Variants in BNC2 observed in about 807,000 individuals in gnomAD.
BNC2 encodes basonuclin zinc finger protein 2.
BNC2 carries 20 observed loss-of-function variants against 76.3 expected under a neutral mutation model. The ratio of observed to expected loss-of-function variants is 0.26; its 90% CI spans 0.18 to 0.38. The LOEUF (loss-of-function observed/expected upper bound fraction) is 0.38. BNC2 is among the 10% of genes least tolerant of loss of function. The probability of loss-of-function intolerance (pLI) is 1.00; values close to 1 mark genes in which losing one functional copy is unlikely to be tolerated. For missense variants in BNC2, 1,382 were observed against 1,399.8 expected, an observed-to-expected ratio of 0.99 and a Z score of 0.20; for synonymous variants, 582 against 514.8, an observed-to-expected ratio of 1.13 and a Z score of -1.77.
Position 16,552,713 on chromosome 9 carries a change from A to C in BNC2, c.486T>G (p.Ile162Met). 1 of 1,614,174 alleles carries C rather than the reference A, an allele frequency of 6.2e-7. No individual in the cohort carries two copies. The highest frequency in any genetic ancestry group is 8.5e-7 in the Non-Finnish European group (1 of 1,180,032). Residue 162 changes from isoleucine to methionine, a missense_variant, in exon 5 of 7, where the codon ATT becomes ATG. Transcript: ENST00000380672. ...QHLYHPTQVE[I>M]VQSNVVFDIS... ...TGTCAAACACGACGTTGGACTGCAC[A>C]ATCTCCACTTGGGTGGGGTGGTACA...
intron 2 of BNC2, 132 bp from the exon 3 acceptor site, chr9:16,728,129 T>G: frequency 1.3e-6 from 1 of 745,230 alleles, no homozygotes; most frequent in Non-Finnish European, 2.4e-6. Flanking sequence ...GGGTCAGAGC[T>G]TCTTTCGCAC....
At chr9:16,786,967 TA>T (rs1334763291) in intron 1 of BNC2, among the ~76,000 whole-genome samples, 1 of 152,182 alleles carries the variant, frequency 6.6e-6, no homozygotes, top group Non-Finnish European at 1.5e-5. Context: ...AATCAGTGAT[TA>T]AACAGGACAG....
chr9:16,525,883 AT>A (rs763335364), intron 5 of BNC2, among the ~76,000 whole-genome samples: 5 of 151,196 alleles, frequency 3.3e-5, no homozygotes, highest in Admixed American at 6.6e-5. Context: ...CCTTTATATA[AT>A]TTTTTTTTGC....
chr9:16,764,101 C>A (rs976753248), intron 1 of BNC2, among the ~76,000 whole-genome samples: 1 of 152,196 alleles, frequency 6.6e-6, no homozygotes, highest in Non-Finnish European at 1.5e-5. Flanking sequence ...TTCCCACCCA[C>A]ACAAAAGTAA....
At chr9:16,618,622 T>C (rs1464446997) in intron 3 of BNC2, among the ~76,000 whole-genome samples, 3 of 152,140 alleles carry the variant, frequency 2.0e-5, no homozygotes, top group African/African-American at 7.2e-5. Flanking sequence ...TCTCCAAAAC[T>C]ATGAATCAAA....
rs140034453 is a variant in BNC2 at position 16,615,810 on chromosome 9, ATAATG to A, written c.331-32730_331-32726del. On this transcript the variant is annotated intron_variant, in intron 3 of 6. Transcript: ENST00000380672. ...AAGGAAAATAAATTTTTCTTCCTCTATAATGTAAATACTTCACATGCATGAATTAA... is the reference window on the plus strand; with the variant it reads ...AAGGAAAATAAATTTTTCTTCCTCTATAAATACTTCACATGCATGAATTAA... Among the ~76,000 whole-genome samples the A allele has an allele frequency of 4.3e-3, 654 of 152,352 alleles. 8 individuals carry two copies. The highest frequency in any genetic ancestry group is 0.015 in the African/African-American group (625 of 41,588).
In BNC2 at chr9:16,442,563, G is replaced by A. The variant is rs529617284; in HGVS notation, c.670-5039C>T. On this transcript the variant is annotated intron_variant, in intron 5 of 6. Transcript: ENST00000380672. Reference sequence around the variant, plus strand: ...ATTGGTTTCCCTTATTGGGAAAGAGGGATAGTAGGGAAGGAACAGATGTGA... The same window carrying A: ...ATTGGTTTCCCTTATTGGGAAAGAGAGATAGTAGGGAAGGAACAGATGTGA... Among the ~76,000 whole-genome samples the A allele has an allele frequency of 3.3e-5, 5 of 152,222 alleles. No individual in the cohort carries two copies. The East Asian group carries it at 7.7e-4, about 24-fold the overall frequency.
At chr9:16,697,125 C>G (rs1823361069) in intron 3 of BNC2, among the ~76,000 whole-genome samples, 1 of 152,006 alleles carries the variant, frequency 6.6e-6, no homozygotes. Context: ...CTTTGGGAGG[C>G]TGAGGCGGGT....
intron 5 of BNC2, among the ~76,000 whole-genome samples, chr9:16,536,411 T>G (rs1219899128): frequency 1.3e-5 from 2 of 152,244 alleles, no homozygotes; most frequent in South Asian, 2.1e-4. Context: ...GTAGAAGGTC[T>G]CAAAAGTCAA....
intron 4 of BNC2, among the ~76,000 whole-genome samples, chr9:16,579,324 C>T (rs1013676586): frequency 1.3e-5 from 2 of 151,642 alleles, no homozygotes; most frequent in Admixed American, 6.6e-5. Flanking sequence ...GCTCTGTCAC[C>T]CAGATTGGAA....
At chr9:16,441,661 C>A (rs1233799742) in intron 5 of BNC2, among the ~76,000 whole-genome samples, 36 of 152,098 alleles carry the variant, frequency 2.4e-4, no homozygotes, top group Non-Finnish European at 1.5e-4. Flanking sequence ...TTGGATGGCT[C>A]TTTTCTTTTT....
At chr9:16,820,653 T>C (rs1165755350) in intron 1 of BNC2, among the ~76,000 whole-genome samples, 1 of 152,184 alleles carries the variant, frequency 6.6e-6, no homozygotes, top group Non-Finnish European at 1.5e-5. Context: ...ATACTGATGA[T>C]ATCTGAATAT....
intron 5 of BNC2, among the ~76,000 whole-genome samples, chr9:16,460,697 C>A (rs528263862): frequency 6.6e-6 from 1 of 152,256 alleles, no homozygotes; most frequent in Non-Finnish European, 1.5e-5. Context: ...GGTGCTTCAA[C>A]ACCGAGTCTT....
chr9:16,496,819 T>C (rs1256139459), intron 5 of BNC2, among the ~76,000 whole-genome samples: 2 of 152,194 alleles, frequency 1.3e-5, no homozygotes, highest in Non-Finnish European at 2.9e-5. Context: ...TTCAAATATG[T>C]CTATTCAAGC....
intron 3 of BNC2, among the ~76,000 whole-genome samples, chr9:16,593,638 T>C (rs1000351099): frequency 6.6e-6 from 1 of 152,150 alleles, no homozygotes; most frequent in Non-Finnish European, 1.5e-5. Flanking sequence ...CATTTCAATT[T>C]AGGCAAAAAC....
intron 1 of BNC2, among the ~76,000 whole-genome samples, chr9:16,799,618 G>C (rs1425370661): frequency 6.6e-6 from 1 of 151,914 alleles, no homozygotes; most frequent in Non-Finnish European, 1.5e-5. Context: ...GGGCAAAATA[G>C]CCCAAAAAAA....
At chr9:16,551,824 G>A (rs373942954) in intron 5 of BNC2, among the ~76,000 whole-genome samples, 24 of 152,332 alleles carry the variant, frequency 1.6e-4, no homozygotes, top group African/African-American at 4.3e-4. Context: ...AGAGGGATGG[G>A]AGATGGGGGT....
At chr9:16,448,873 C>T (rs1821282197) in intron 5 of BNC2, among the ~76,000 whole-genome samples, 1 of 152,072 alleles carries the variant, frequency 6.6e-6, no homozygotes, top group East Asian at 1.9e-4. Context: ...TAAATGTGTT[C>T]CTATAAAAGG....
chr9:16,457,312 T>C (rs1470762701), intron 5 of BNC2, among the ~76,000 whole-genome samples: 1 of 152,112 alleles, frequency 6.6e-6, no homozygotes, highest in African/African-American at 2.4e-5. Context: ...TTGGGGGGAC[T>C]AACTTACTTA....
Sources: allele counts gnomAD v4.1 joint callset (sites outside exome capture counted in the v4.1 genomes callset), GRCh38; gene constraint gnomAD v4.1.1; transcripts MANE v1.5; gene names NCBI Gene and HGNC (gene_info 2026-07-23, HGNC 2026-07-21).